The following SPG11 variants were observed in gnomAD, a reference collection of about 807,000 sequenced individuals.
SPG11 encodes spatacsin.
SPG11 carries 222 observed loss-of-function variants against 274.0 expected under a neutral mutation model. The ratio of observed to expected loss-of-function variants is 0.81; its 90% CI spans 0.73 to 0.91. The LOEUF (loss-of-function observed/expected upper bound fraction) is 0.91. Among genes scored for constraint, SPG11 ranks in the 40% least tolerant of loss-of-function variants. The pLI, the probability that SPG11 is intolerant of heterozygous loss-of-function variation, is 0.00. For synonymous variants in SPG11, 1,144 were observed against 1,039.7 expected, an observed-to-expected ratio of 1.10 and a Z score of -1.93; for missense variants, 3,114 against 2,872.7, an observed-to-expected ratio of 1.08 and a Z score of -1.92.
chr15:44,590,846 T>C (rs2082883348), intron 27 of SPG11: 1 of 152,230 alleles, frequency 6.6e-6, no homozygotes, highest in Non-Finnish European at 1.5e-5. Context: ...GGCTGAATAC[T>C]TCCTGTATAC....
At chr15:44,575,096 C>T in intron 30 of SPG11, 55 bp from the exon 31 acceptor site, 1 of 1,607,146 alleles carries the variant, frequency 6.2e-7, no homozygotes. Context: ...TGGCCTCTCC[C>T]TAGCTCTCTA....
At chr15:44,584,579 G>C in intron 29 of SPG11, 21 bp from the exon 30 acceptor site, 1 of 1,604,038 alleles carries the variant, frequency 6.2e-7, no homozygotes, top group Non-Finnish European at 8.5e-7. Flanking sequence ...TAACAAAGCA[G>C]ATTTTAGCCT....
At position 44,628,803 on chromosome 15, in the gene SPG11, T is replaced by C. The variant is rs768519061; in HGVS notation, c.1933A>G (p.Ser645Gly). ...AAGGTTCGAAGTTCATTAATGTAGC[T>C]AGTCAAAATGTTCACTCCTTTTTGC... Reference protein sequence around the residue: ...HLQKGVNILTSYINELRTFMI... With the variant: ...HLQKGVNILTGYINELRTFMI... Residue 645 changes from serine to glycine, a missense_variant, in exon 10 of 40, where the codon AGC (serine) becomes GGC (glycine). Transcript: ENST00000261866. 1.6e-5 allele frequency: 26 copies of C among 1,613,576 alleles called. No homozygotes were observed. In the East Asian group the frequency reaches 4.7e-4, roughly 29 times the overall value.
chr15:44,567,503 G>A lies in SPG11; in HGVS notation c.6675C>T (p.Phe2225=). 4 of 1,614,124 alleles carry A rather than the reference G, an allele frequency of 2.5e-6. No homozygotes were observed. The highest frequency in any genetic ancestry group is 3.4e-6 in the Non-Finnish European group (4 of 1,180,030). ...SEKHNMIALC[F]SMCREIGENH... is the part of the protein sequence containing the mutation. ...TCTCGCCAATCTCCCGGCACATGCT[G>A]AAGCACAGGGCAATCATATTGTGCT... The change falls in exon 36 of 40, where the codon TTC becomes TTT. Residue 2225 remains phenylalanine (F), a synonymous_variant. Coordinates refer to ENST00000261866, the MANE Select transcript of SPG11 (RefSeq NM_025137.4).
At chr15:44,625,903 C>G (rs1595894891) in intron 11 of SPG11, among the ~76,000 whole-genome samples, 1 of 151,926 alleles carries the variant, frequency 6.6e-6, no homozygotes, top group African/African-American at 2.4e-5. Flanking sequence ...TGGTCTCAAA[C>G]TCCTGACCTC....
rs2082224175 is a variant in SPG11, at chr15:44,563,032, T to C, written c.*89A>G. On this transcript the variant is annotated 3_prime_UTR_variant, in exon 40 of 40. Coordinates refer to ENST00000261866, the MANE Select transcript of SPG11 (RefSeq NM_025137.4). ...TGGTACAGTACCGGGATTGTTCAAC[T>C]TTAGCAAAGATCTCCAATGCATTCT... 7.2e-7 allele frequency: 1 copy of C among 1,380,952 alleles called. No individual in the cohort carries two copies. Among genetic ancestry groups the C allele is most frequent in the Admixed American group, 1.7e-5 (1 of 58,102 alleles). The allele number at this position is 1,380,952 out of a possible 1,614,324, so 85.5% of individuals were successfully genotyped here.
chr15:44,592,250 G>T, intron 27 of SPG11, 81 bp downstream of exon 27: 1 of 836,546 alleles, frequency 1.2e-6, no homozygotes, highest in Non-Finnish European at 2.1e-6. Flanking sequence ...GAGACACCAA[G>T]TCTTTAAACA....
chr15:44,660,265 A>T (rs2085065185), intron 2 of SPG11, among the ~76,000 whole-genome samples, 167 bp downstream of exon 2: 1 of 152,190 alleles, frequency 6.6e-6, no homozygotes. Flanking sequence ...AGTACATCTT[A>T]ATTCATATTA....
chr15:44,569,551 G>C lies in SPG11; in HGVS notation c.6478-46C>G, dbSNP rs376376986. 36 of 1,415,862 alleles carry C rather than the reference G, an allele frequency of 2.5e-5. No individual in the cohort carries two copies. The African/African-American group carries it at 5.1e-4, about 20-fold the overall frequency. 87.7% of individuals were successfully genotyped at this position (1,415,862 alleles called of 1,614,324 possible). ...TCGCATCAGCATCACCTGGAGTCTG[G>C]AGTTCTCTGAGCCAGACAACTACCA... On this transcript the variant is annotated intron_variant, in intron 34 of 39. Coordinates refer to ENST00000261866, the MANE Select transcript of SPG11 (RefSeq NM_025137.4).
chr15:44,636,930 AAAAAAAAAAAAAAAAAAAAAAAAAAAAC>A (rs2084279548), intron 7 of SPG11, among the ~76,000 whole-genome samples: 3 of 119,608 alleles, frequency 2.5e-5, no homozygotes, highest in Non-Finnish European at 3.6e-5. Flanking sequence ...CATCTCAAAA[AAAAAAAAAAAAAAAAAAAAAAAAAAAAC>A]AAAAAAAAAA....
At chr15:44,636,533 G>A (rs187259734) in intron 7 of SPG11, among the ~76,000 whole-genome samples, 33 of 151,144 alleles carry the variant, frequency 2.2e-4, no homozygotes, top group Admixed American at 1.7e-3. Context: ...GTGGTGGCGG[G>A]CGCCTATAAT....
intron 11 of SPG11, among the ~76,000 whole-genome samples, chr15:44,623,446 T>C (rs546929129): frequency 1.4e-4 from 22 of 152,280 alleles, no homozygotes; most frequent in African/African-American, 4.8e-4. Flanking sequence ...TCCACTCCTC[T>C]GCACCTCCTG....
intron 4 of SPG11, among the ~76,000 whole-genome samples, chr15:44,652,588 T>C (rs1183190806): frequency 1.3e-5 from 2 of 152,078 alleles, no homozygotes; most frequent in African/African-American, 4.8e-5. Flanking sequence ...CCCCATCTTA[T>C]AGAAATGGAA....
intron 11 of SPG11, among the ~76,000 whole-genome samples, chr15:44,625,506 C>T (rs1008582112): frequency 2.0e-5 from 3 of 152,118 alleles, no homozygotes; most frequent in African/African-American, 7.2e-5. Flanking sequence ...CCACTGCTCT[C>T]TCTTCCTCTT....
intron 20 of SPG11, 103 bp from the exon 21 acceptor site, chr15:44,600,735 T>C: frequency 1.6e-6 from 2 of 1,271,356 alleles, no homozygotes; most frequent in African/African-American, 1.5e-5. Flanking sequence ...GCTGTAATTA[T>C]TTTGCATCAC....
At chr15:44,579,526 C>CAAAAA (rs954664107) in intron 30 of SPG11, among the ~76,000 whole-genome samples, 64 of 51,694 alleles carry the variant, frequency 1.2e-3, no homozygotes, top group South Asian at 3.2e-3. Flanking sequence ...GACTCCGTCT[C>CAAAAA]AAAAAAAAAA....
intron 27 of SPG11, among the ~76,000 whole-genome samples, chr15:44,590,242 T>TTAA (rs2140958971): frequency 6.6e-6 from 1 of 152,350 alleles, no homozygotes; most frequent in East Asian, 1.9e-4. Context: ...AGTTTATTCT[T>TTAA]GTTAGAGAAC....
intron 2 of SPG11, among the ~76,000 whole-genome samples, chr15:44,659,747 T>C (rs1483975980): frequency 3.9e-5 from 6 of 152,120 alleles, no homozygotes; most frequent in African/African-American, 1.4e-4. Flanking sequence ...CCAATAGAAA[T>C]ATAATGTGAG....
chr15:44,573,367 C>T, intron 32 of SPG11, 180 bp downstream of exon 32: 1 of 684,658 alleles, frequency 1.5e-6, no homozygotes, highest in Non-Finnish European at 2.6e-6. Flanking sequence ...GTATTTTGTA[C>T]ATGTATTTTG....
Sources: gnomAD v4.1 joint callset for allele counts (sites outside exome capture counted in the v4.1 genomes callset) on GRCh38, gnomAD v4.1.1 for gene constraint, MANE v1.5 for transcripts, NCBI Gene and HGNC (gene_info 2026-07-23, HGNC 2026-07-21) for gene names.